The following MDN1 variants were observed in gnomAD, a reference collection of about 807,000 sequenced individuals.
The protein encoded by MDN1 is midasin.
MDN1 carries 266 observed loss-of-function variants against 669.2 expected under a neutral mutation model. The ratio of observed to expected loss-of-function variants is 0.40; its 90% CI spans 0.36 to 0.44. MDN1 has a LOEUF of 0.44. Ranked by LOEUF, MDN1 falls within the 20% of genes least tolerant of loss-of-function variation. The probability of loss-of-function intolerance (pLI) is 1.00; values close to 1 mark genes in which losing one functional copy is unlikely to be tolerated. For synonymous variants in MDN1, 2,385 were observed against 2,457.1 expected (o/e 0.97, Z 0.87); for missense variants, 5,940 against 6,754.0 (o/e 0.88, Z 4.22).
In MDN1 at chr6:89,729,142, T is replaced by A. The variant is rs1815415485; in HGVS notation, c.5141-3A>T. The A allele has an allele frequency of 1.9e-6, 3 of 1,609,574 alleles. No individual in the cohort carries two copies. Among genetic ancestry groups the A allele is most frequent in the Non-Finnish European group, 2.5e-6 (3 of 1,178,830 alleles). ...ATTATTCCTGTGTAGGACAGGTCCT[T>A]AAGTGGAGAAAAGTAAAGTCATGTA... On this transcript the variant is annotated splice_polypyrimidine_tract_variant and splice_region_variant and intron_variant, in intron 35 of 101. Coordinates refer to ENST00000369393, the MANE Select transcript of MDN1 (RefSeq NM_014611.3).
At chr6:89,764,535 G>A (rs1246052077) in intron 15 of MDN1, among the ~76,000 whole-genome samples, 1 of 152,190 alleles carries the variant, frequency 6.6e-6, no homozygotes, top group Admixed American at 6.5e-5. Context: ...AGCTCAGGAG[G>A]TCAAGTAGTA....
At chr6:89,796,231 G>A (rs1364287288) in intron 2 of MDN1, among the ~76,000 whole-genome samples, 3 of 144,880 alleles carry the variant, frequency 2.1e-5, no homozygotes, top group Non-Finnish European at 3.0e-5. Flanking sequence ...GGCTGAGGCA[G>A]GAGAATCACT....
chr6:89,700,523 G>A, intron 56 of MDN1, 123 bp downstream of exon 56: 1 of 877,618 alleles, frequency 1.1e-6, no homozygotes, highest in Non-Finnish European at 1.7e-6. Context: ...CTTATATAAA[G>A]GTATATAAAC....
rs1238499482 is a variant in MDN1 at position 89,683,145 on chromosome 6, G to A, written c.12089C>T (p.Pro4030Leu). ...ACAACCAAGTACCTGCCCAGCTGCT[G>A]GTTGGGCTAACAGGGTCTCCCTCAG... is the stretch of plus-strand genomic sequence containing the variant. ...RALRETLLAQ[P>L]AAGQATIPEW... Residue 4030 changes from proline to leucine, a missense_variant, in exon 73 of 102, where the codon CCA becomes CTA. Physicochemically the swap from Pro to Leu is moderately conservative, Grantham distance 98. Around this residue, in one of 5 missense-constraint regions of MDN1, gnomAD observed 2,280 missense variants for 2,576.3 expected, o/e 0.88. Transcript: ENST00000369393. 21 of 1,613,982 alleles carry A rather than the reference G, an allele frequency of 1.3e-5. No individual in the cohort carries two copies. Among genetic ancestry groups the A allele is most frequent in the East Asian group, 2.2e-5 (1 of 44,894 alleles).
chr6:89,697,005 T>C (rs919475755), intron 59 of MDN1, among the ~76,000 whole-genome samples: 1 of 152,150 alleles, frequency 6.6e-6, no homozygotes, highest in Non-Finnish European at 1.5e-5. Flanking sequence ...TGTCAAAGGG[T>C]GACAGCCAAA....
chr6:89,780,023 G>GC (rs1714756409), intron 11 of MDN1, among the ~76,000 whole-genome samples, 189 bp downstream of exon 11: 1 of 151,366 alleles, frequency 6.6e-6, no homozygotes, highest in Non-Finnish European at 1.5e-5. Flanking sequence ...CTGAGATCAC[G>GC]CCACTGCACT....
rs1447821525 is a variant in MDN1 at position 89,675,584 on chromosome 6, C to G, written c.12646-5G>C. On this transcript the variant is annotated splice_polypyrimidine_tract_variant and splice_region_variant and intron_variant, in intron 77 of 101. Transcript: ENST00000369393. ...CACGTTGCCCATGCCCATTTCCTGG[C>G]AGAAGAAGGAAAAACATGCTGAAGG... 6.2e-7 allele frequency: 1 copy of G among 1,611,924 alleles called. No homozygotes were observed. The highest frequency in any genetic ancestry group is 8.5e-7 in the Non-Finnish European group (1 of 1,178,780).
At chr6:89,805,034 CAAAAAA>C (rs34538984) in intron 1 of MDN1, among the ~76,000 whole-genome samples, 3 of 58,518 alleles carry the variant, frequency 5.1e-5, no homozygotes, top group Non-Finnish European at 8.8e-5. Context: ...GACTCCGTCT[CAAAAAA>C]AAAAAAAAAA....
intron 54 of MDN1, 21 bp downstream of exon 54, chr6:89,701,883 T>G (rs201279321): frequency 9.8e-5 from 157 of 1,600,820 alleles, no homozygotes; most frequent in Middle Eastern, 5.1e-4. Flanking sequence ...TTGACATTAT[T>G]ACTCTAAATA....
chr6:89,819,389 A>C (rs957169456), intron 1 of MDN1, 117 bp downstream of exon 1: 44 of 969,600 alleles, frequency 4.5e-5, no homozygotes, highest in Non-Finnish European at 6.9e-5. Context: ...GGCCAGCTTG[A>C]CCTGAGGCTG....
chr6:89,730,787 C>A lies in MDN1; in HGVS notation c.5079G>T (p.Lys1693Asn), dbSNP rs1177286132. Residue 1693 changes from lysine (K) to asparagine (N), a missense_variant, in exon 35 of 102, where the codon AAG (lysine) becomes AAT (asparagine). Coordinates refer to ENST00000369393, the MANE Select transcript of MDN1 (RefSeq NM_014611.3). ...KNELKIYDRMKAKEFTGIDNL... is the reference protein window; with the variant it reads ...KNELKIYDRMNAKEFTGIDNL... ...TATCTATTCCAGTGAATTCTTTGGC[C>A]TTCATTCTGTCATAAATCTTCAACT... 6.2e-7 allele frequency: 1 copy of A among 1,613,926 alleles called. No homozygotes were observed. The highest frequency in any genetic ancestry group is 8.5e-7 in the Non-Finnish European group (1 of 1,179,962).
chr6:89,777,636 C>T (rs1469621467), intron 11 of MDN1, among the ~76,000 whole-genome samples: 2 of 152,136 alleles, frequency 1.3e-5, no homozygotes, highest in Non-Finnish European at 2.9e-5. Flanking sequence ...GGTCACAAGA[C>T]TTGTGACTTC....
intron 44 of MDN1, among the ~76,000 whole-genome samples, chr6:89,715,989 C>T (rs1562131492): frequency 6.6e-6 from 1 of 152,160 alleles, no homozygotes; most frequent in Non-Finnish European, 1.5e-5. Context: ...AGTAAATACA[C>T]AAGATATTTT....
intron 1 of MDN1, 84 bp downstream of exon 1, chr6:89,819,422 C>T: frequency 2.4e-6 from 3 of 1,276,060 alleles, no homozygotes; most frequent in Non-Finnish European, 3.4e-6. Context: ...CTTAAAGCGG[C>T]GAGTATCGGC....
intron 2 of MDN1, among the ~76,000 whole-genome samples, chr6:89,799,517 C>T (rs1160424057): frequency 6.6e-6 from 1 of 152,180 alleles, no homozygotes; most frequent in Admixed American, 6.5e-5. Context: ...ATCCCCACCT[C>T]TACTAAAAAT....
Position 89,684,865 on chromosome 6 carries a change from G to A in MDN1, c.11829+11C>T. 1 of 1,541,062 alleles carries A rather than the reference G, an allele frequency of 6.5e-7. No homozygotes were observed. Among genetic ancestry groups the A allele is most frequent in the African/African-American group, 1.4e-5 (1 of 73,410 alleles). On this transcript the variant is annotated intron_variant, in intron 71 of 101. Transcript: ENST00000369393. ...CCTCCCAAGAGTGATCATGACAGCTGTTCATCTTACTTTAAGTTCTTTTTC... is the reference window on the plus strand; with the variant it reads ...CCTCCCAAGAGTGATCATGACAGCTATTCATCTTACTTTAAGTTCTTTTTC...
chr6:89,778,108 AT>A (rs1056213005), intron 11 of MDN1, among the ~76,000 whole-genome samples: 9 of 151,450 alleles, frequency 5.9e-5, no homozygotes, highest in African/African-American at 1.9e-4. Flanking sequence ...AATCTGATCT[AT>A]TTTTTCATCC....
intron 1 of MDN1, among the ~76,000 whole-genome samples, chr6:89,815,831 C>T (rs147908541): frequency 2.7e-3 from 418 of 152,176 alleles, no homozygotes; most frequent in Middle Eastern, 6.8e-3. Context: ...AGTGCCAAGG[C>T]CCTTGGGGGC....
chr6:89,689,995 T>G lies in MDN1; in HGVS notation c.10898A>C (p.Asn3633Thr), dbSNP rs766813347. 2 of 1,614,194 alleles carry G rather than the reference T, an allele frequency of 1.2e-6. No individual in the cohort carries two copies. Among genetic ancestry groups the G allele is most frequent in the African/African-American group, 2.7e-5 (2 of 75,038 alleles). The stretch of plus-strand genomic sequence containing the variant: ...TTGATACCAGAGGGATCGAGCAAAG[T>G]TGAGACACAATTGCTGGTGTATCAG... ...VMLIHQQLCL[N>T]FARSLWYQQT... The change falls in exon 65 of 102, where the codon AAC becomes ACC. Residue 3633 changes from asparagine (N) to threonine (T), a missense_variant. This residue lies in a region of MDN1 where 2,280 missense variants were observed against 2,576.3 expected (regional missense o/e 0.88). Transcript: ENST00000369393.
Sources: allele counts gnomAD v4.1 joint callset (sites outside exome capture counted in the v4.1 genomes callset), GRCh38; gene constraint gnomAD v4.1.1; regional missense constraint gnomAD v4.1.1; transcripts MANE v1.5; gene names NCBI Gene and HGNC (gene_info 2026-07-23, HGNC 2026-07-21).